KCND2: variants seen among roughly 807,000 people sequenced by gnomAD.
The protein encoded by KCND2 is A-type voltage-gated potassium channel KCND2.
A neutral mutation model predicts 54.4 loss-of-function variants in KCND2; 16 were observed. The observed-to-expected ratio is 0.29, with a 90% CI of 0.20 to 0.45. The LOEUF (loss-of-function observed/expected upper bound fraction) is 0.45, where lower values mean the gene tolerates loss of function less well. Ranked by LOEUF, KCND2 falls within the 20% of genes least tolerant of loss-of-function variation. The pLI is 1.00. For synonymous variants in KCND2, 317 were observed against 310.7 expected (o/e 1.02, Z -0.21); for missense variants, 486 against 824.2 (o/e 0.59, Z 5.02).
At chr7:120,687,476 C>G (rs1302948445) in intron 1 of KCND2, among the ~76,000 whole-genome samples, 1 of 152,074 alleles carries the variant, frequency 6.6e-6, no homozygotes, top group Non-Finnish European at 1.5e-5. Flanking sequence ...AATGCATGTG[C>G]TGATTAGCTT....
At chr7:120,436,795 A>C (rs1468336801) in intron 1 of KCND2, among the ~76,000 whole-genome samples, 1 of 152,040 alleles carries the variant, frequency 6.6e-6, no homozygotes, top group Non-Finnish European at 1.5e-5. Flanking sequence ...AGTATTTTTC[A>C]CTGGAGAAAT....
intron 1 of KCND2, among the ~76,000 whole-genome samples, chr7:120,506,746 G>A (rs1409592220): frequency 6.6e-6 from 1 of 151,688 alleles, no homozygotes; most frequent in Admixed American, 6.6e-5. Flanking sequence ...TTCATATAAC[G>A]GATGCAATAC....
At chr7:120,384,072 C>A (rs1251624019) in intron 1 of KCND2, among the ~76,000 whole-genome samples, 2 of 152,186 alleles carry the variant, frequency 1.3e-5, no homozygotes, top group East Asian at 3.9e-4. Context: ...TATCTGCATA[C>A]AACTACCCCA....
chr7:120,290,483 A>T (rs984683296), intron 1 of KCND2, among the ~76,000 whole-genome samples: 9 of 151,990 alleles, frequency 5.9e-5, no homozygotes, highest in East Asian at 1.9e-4. Context: ...TATTTTTCTC[A>T]TCTCTATGCT....
chr7:120,704,719 G>C (rs1409415009), intron 1 of KCND2, among the ~76,000 whole-genome samples: 1 of 152,096 alleles, frequency 6.6e-6, no homozygotes, highest in Non-Finnish European at 1.5e-5. Flanking sequence ...CTTGTTATTT[G>C]TAGTCAGCCT....
At chr7:120,498,313 C>T (rs1802879357) in intron 1 of KCND2, among the ~76,000 whole-genome samples, 1 of 152,016 alleles carries the variant, frequency 6.6e-6, no homozygotes, top group South Asian at 2.1e-4. Flanking sequence ...AACCCCGTGT[C>T]TACTAAAAAT....
intron 1 of KCND2, among the ~76,000 whole-genome samples, chr7:120,643,619 A>C (rs1375621692): frequency 6.6e-6 from 1 of 152,064 alleles, no homozygotes; most frequent in African/African-American, 2.4e-5. Flanking sequence ...GTCCTTTGAA[A>C]GATCAATCAT....
intron 1 of KCND2, among the ~76,000 whole-genome samples, chr7:120,453,715 T>C (rs972336112): frequency 3.9e-5 from 6 of 152,110 alleles, no homozygotes; most frequent in Non-Finnish European, 8.8e-5. Context: ...AAAACGAATA[T>C]ATTAATACTA....
At chr7:120,333,886 C>T (rs372709593) in intron 1 of KCND2, among the ~76,000 whole-genome samples, 4 of 151,912 alleles carry the variant, frequency 2.6e-5, no homozygotes, top group East Asian at 1.9e-4. Context: ...AAACATCTTT[C>T]GGCACTTTAG....
intron 1 of KCND2, among the ~76,000 whole-genome samples, chr7:120,332,240 C>A (rs758589781): frequency 2.3e-4 from 35 of 152,118 alleles, no homozygotes; most frequent in Non-Finnish European, 4.7e-4. Flanking sequence ...AATTATTACA[C>A]CTTAAAAGAC....
At chr7:120,645,445 T>C (rs567477035) in intron 1 of KCND2, among the ~76,000 whole-genome samples, 2 of 152,162 alleles carry the variant, frequency 1.3e-5, no homozygotes, top group South Asian at 4.2e-4. Flanking sequence ...CATGCTAACA[T>C]AGGGTTCTGT....
chr7:120,424,498 T>A (rs1801672857), intron 1 of KCND2, among the ~76,000 whole-genome samples: 2 of 152,204 alleles, frequency 1.3e-5, no homozygotes, highest in Admixed American at 1.3e-4. Flanking sequence ...ATTAAAGTGG[T>A]AGAATATTTT....
At position 120,494,394 on chromosome 7, in the gene KCND2, C is replaced by T; in HGVS notation, c.1115+218647C>T. On this transcript the variant is annotated intron_variant, in intron 1 of 5. Coordinates refer to ENST00000331113, the MANE Select transcript of KCND2 (RefSeq NM_012281.3). ...GTCATTTTGTCACATGGAAATGACTCAAAAATAGCAATCTTTAGATCACAT... is the reference window on the plus strand; with the variant it reads ...GTCATTTTGTCACATGGAAATGACTTAAAAATAGCAATCTTTAGATCACAT... 1.3e-5 allele frequency among the ~76,000 whole-genome samples: 2 copies of T among 152,014 alleles called. 1 individual carries two copies. Among genetic ancestry groups the T allele is most frequent in the East Asian group, 3.9e-4 (2 of 5,190 alleles).
chr7:120,715,280 GTGTAACCA>G (rs1792589546), intron 1 of KCND2, among the ~76,000 whole-genome samples: 2 of 151,900 alleles, frequency 1.3e-5, no homozygotes, highest in Admixed American at 6.6e-5. Flanking sequence ...TATGATAGTT[GTGTAACCA>G]TGTAAGGTAA....
chr7:120,733,115 T>C (rs1483914603), intron 2 of KCND2, 50 bp downstream of exon 2: 2 of 1,584,442 alleles, frequency 1.3e-6, no homozygotes, highest in Admixed American at 1.7e-5. Flanking sequence ...CCACTTTTTA[T>C]AATGAGCTTT....
intron 1 of KCND2, among the ~76,000 whole-genome samples, chr7:120,695,178 C>A (rs1193936572): frequency 1.3e-5 from 2 of 151,334 alleles, no homozygotes; most frequent in Non-Finnish European, 2.9e-5. Context: ...AAGCTCAGTT[C>A]AAACTGTTAT....
At chr7:120,688,123 C>T (rs1158019658) in intron 1 of KCND2, among the ~76,000 whole-genome samples, 1 of 152,128 alleles carries the variant, frequency 6.6e-6, no homozygotes, top group Non-Finnish European at 1.5e-5. Flanking sequence ...TACAGATATA[C>T]TCATTCCTAG....
chr7:120,625,229 G>T lies in KCND2; in HGVS notation c.1116-107674G>T, dbSNP rs553320754. 7.2e-5 allele frequency among the ~76,000 whole-genome samples: 11 copies of T among 152,212 alleles called. No homozygotes were observed. The East Asian group carries it at 1.9e-3, about 27-fold the overall frequency. ...TCCGATGAAGTAGAGTAACTAATTGGCAGAGGAAAAAAATCTAAAAACATA... is the reference window on the plus strand; with the variant it reads ...TCCGATGAAGTAGAGTAACTAATTGTCAGAGGAAAAAAATCTAAAAACATA... On this transcript the variant is annotated intron_variant, in intron 1 of 5. Transcript: ENST00000331113.
At chr7:120,733,117 A>T in intron 2 of KCND2, 52 bp downstream of exon 2, 1 of 1,583,284 alleles carries the variant, frequency 6.3e-7, no homozygotes, top group Non-Finnish European at 8.7e-7. Flanking sequence ...ACTTTTTATA[A>T]TGAGCTTTAA....
Sources: gnomAD v4.1 joint callset for allele counts (sites outside exome capture counted in the v4.1 genomes callset) on GRCh38, gnomAD v4.1.1 for gene constraint, MANE v1.5 for transcripts, NCBI Gene and HGNC (gene_info 2026-07-23, HGNC 2026-07-21) for gene names.